The following TASP1 variants were observed in gnomAD, a reference collection of about 807,000 sequenced individuals.
The protein encoded by TASP1 is threonine aspartase 1.
A neutral mutation model predicts 56.6 loss-of-function variants in TASP1; 16 were observed. The observed-to-expected ratio is 0.28, with a 90% CI of 0.19 to 0.43. The LOEUF (loss-of-function observed/expected upper bound fraction) is 0.43. Ranked by LOEUF, TASP1 falls within the 20% of genes least tolerant of loss-of-function variation. The pLI is 1.00. For missense variants in TASP1, 393 were observed against 511.6 expected (o/e 0.77, Z 2.24); for synonymous variants, 179 against 184.2 (o/e 0.97, Z 0.23).
At chr20:13,368,115 T>C in the TASP1 span, among the ~76,000 whole-genome samples, 1 of 150,706 alleles carries the variant, frequency 6.6e-6, no homozygotes, top group East Asian at 2.0e-4. Flanking sequence ...CCTATTATAT[T>C]GGCATATTTA....
the TASP1 span, among the ~76,000 whole-genome samples, chr20:13,223,513 G>A: frequency 6.6e-6 from 1 of 152,172 alleles, no homozygotes; most frequent in Non-Finnish European, 1.5e-5. Flanking sequence ...CCAAACTCTT[G>A]ATTACACCAA....
At chr20:13,469,995 G>C (rs2044426320) in intron 11 of TASP1, among the ~76,000 whole-genome samples, 1 of 151,398 alleles carries the variant, frequency 6.6e-6, no homozygotes, top group South Asian at 2.1e-4. Context: ...TTTTAGTAGA[G>C]ACGGGGTTTT....
At chr20:13,164,782 A>T in the TASP1 span, 67 of 1,613,636 alleles carry the variant, frequency 4.2e-5, no homozygotes, top group Admixed American at 1.0e-4. Flanking sequence ...GAAATGGGTG[A>T]TCTCTTGCAA....
chr20:13,116,988 A>G, the TASP1 span, among the ~76,000 whole-genome samples: 1 of 152,238 alleles, frequency 6.6e-6, no homozygotes, highest in Non-Finnish European at 1.5e-5. Context: ...GAGGTCTCAA[A>G]GACTTCCTAT....
chr20:13,148,568 CTA>C, the TASP1 span, among the ~76,000 whole-genome samples: 1 of 152,184 alleles, frequency 6.6e-6, no homozygotes, highest in Non-Finnish European at 1.5e-5. Context: ...AAACAAGAGG[CTA>C]CCACATATGC....
the TASP1 span, among the ~76,000 whole-genome samples, chr20:13,270,227 G>A: frequency 6.6e-6 from 1 of 152,110 alleles, no homozygotes; most frequent in Non-Finnish European, 1.5e-5. Flanking sequence ...TCAAAATAGT[G>A]TTTTCATTTT....
At chr20:13,328,946 T>A in the TASP1 span, among the ~76,000 whole-genome samples, 1 of 152,080 alleles carries the variant, frequency 6.6e-6, no homozygotes, top group Non-Finnish European at 1.5e-5. Context: ...CATGCACCAC[T>A]GAACTTAAAA....
chr20:13,225,428 T>C, the TASP1 span, among the ~76,000 whole-genome samples: 2 of 152,216 alleles, frequency 1.3e-5, no homozygotes, highest in East Asian at 1.9e-4. Flanking sequence ...CTATGACATA[T>C]ATGTATATAT....
chr20:13,528,896 G>T (rs552656980), intron 9 of TASP1, among the ~76,000 whole-genome samples: 1 of 152,094 alleles, frequency 6.6e-6, no homozygotes, highest in African/African-American at 2.4e-5. Context: ...ATCACTTGGG[G>T]AGCTTACTGA....
chr20:13,172,989 A>T, the TASP1 span, among the ~76,000 whole-genome samples: 1 of 152,038 alleles, frequency 6.6e-6, no homozygotes, highest in Non-Finnish European at 1.5e-5. Context: ...TGTTTCAGGG[A>T]CCCAGGCTAT....
the TASP1 span, among the ~76,000 whole-genome samples, chr20:13,194,327 C>CA: frequency 6.6e-6 from 1 of 152,068 alleles, no homozygotes; most frequent in Non-Finnish European, 1.5e-5. Context: ...AAAAGACATG[C>CA]AAAATCCCTC....
chr20:13,214,562 C>CACAG, the TASP1 span, among the ~76,000 whole-genome samples: 86 of 111,352 alleles, frequency 7.7e-4, no homozygotes, highest in Middle Eastern at 5.6e-3. Flanking sequence ...CACACACACA[C>CACAG]AGAGAGAGAG....
the TASP1 span, among the ~76,000 whole-genome samples, chr20:13,284,565 G>A: frequency 6.6e-6 from 1 of 152,220 alleles, no homozygotes; most frequent in East Asian, 1.9e-4. Context: ...TAGCAGAAAG[G>A]AGCACTGCCC....
chr20:13,187,481 G>A, the TASP1 span, among the ~76,000 whole-genome samples: 1 of 151,870 alleles, frequency 6.6e-6, no homozygotes, highest in Non-Finnish European at 1.5e-5. Context: ...CGGGCGCAGT[G>A]GCTCACTTCC....
chr20:13,181,961 C>A, the TASP1 span, among the ~76,000 whole-genome samples: 13 of 152,134 alleles, frequency 8.5e-5, no homozygotes, highest in African/African-American at 3.1e-4. Context: ...AAAAGAGAAG[C>A]CAGCTGAGTG....
chr20:13,148,964 TA>T, the TASP1 span, among the ~76,000 whole-genome samples: 1 of 152,240 alleles, frequency 6.6e-6, no homozygotes, highest in Non-Finnish European at 1.5e-5. Flanking sequence ...AATTTTCCTG[TA>T]AGATAAGCTT....
At chr20:13,513,531 G>A (rs1249715333) in intron 10 of TASP1, among the ~76,000 whole-genome samples, 2 of 152,018 alleles carry the variant, frequency 1.3e-5, no homozygotes, top group Non-Finnish European at 2.9e-5. Flanking sequence ...GGAGGGAAGG[G>A]ATTCTAAACA....
At position 13,528,487 on chromosome 20, in the gene TASP1, A is replaced by G; in HGVS notation, c.820T>C (p.Trp274Arg). 2 of 1,609,686 alleles carry G rather than the reference A, an allele frequency of 1.2e-6. No individual in the cohort carries two copies. The highest frequency in any genetic ancestry group is 1.7e-6 in the Non-Finnish European group (2 of 1,177,802). Residue 274 changes from tryptophan to arginine, a missense_variant, in exon 10 of 14, where the codon TGG (tryptophan) becomes CGG (arginine). Physicochemically the swap from Trp to Arg is moderately radical, Grantham distance 101. Coordinates refer to ENST00000337743, the MANE Select transcript of TASP1 (RefSeq NM_017714.3). ...TTATGAGCTCCAGTATTTTCAGCCC[A>G]GCAGCCACATCCATAAAGAGCAGCC... is the stretch of plus-strand genomic sequence containing the variant. Reference protein sequence around the residue: ...GQAALYGCGCWAENTGAHNPY... With the variant: ...GQAALYGCGCRAENTGAHNPY...
chr20:13,327,965 T>C, the TASP1 span, among the ~76,000 whole-genome samples: 1 of 152,134 alleles, frequency 6.6e-6, no homozygotes, highest in Non-Finnish European at 1.5e-5. Flanking sequence ...CAGGATCTAA[T>C]TAAACTAAAG....
Sources: gnomAD v4.1 joint callset for allele counts (sites outside exome capture counted in the v4.1 genomes callset) on GRCh38, gnomAD v4.1.1 for gene constraint, MANE v1.5 for transcripts, NCBI Gene and HGNC (gene_info 2026-07-23, HGNC 2026-07-21) for gene names.